The following ESRP1 variants were observed in gnomAD, a reference collection of about 807,000 sequenced individuals.
ESRP1 encodes the protein epithelial splicing regulatory protein 1.
In ESRP1, 33 loss-of-function variants were observed where a neutral mutation model predicts 81.7. That is an observed-to-expected ratio of 0.40 (90% CI 0.31 to 0.54). The LOEUF (loss-of-function observed/expected upper bound fraction) is 0.54. ESRP1 is among the 20% of genes least tolerant of loss of function. ESRP1 has a pLI of 0.41. For missense variants in ESRP1, 672 were observed against 833.1 expected (o/e 0.81, Z 2.38); for synonymous variants, 320 against 303.3 (o/e 1.06, Z -0.57).
intron 13 of ESRP1, among the ~76,000 whole-genome samples, chr8:94,683,348 A>C (rs1021084190): frequency 6.6e-6 from 1 of 152,174 alleles, no homozygotes; most frequent in Non-Finnish European, 1.5e-5. Context: ...GTTGAACCAG[A>C]AGAATACCAA....
At chr8:94,695,748 C>G (rs1809580169) in intron 14 of ESRP1, among the ~76,000 whole-genome samples, 1 of 146,182 alleles carries the variant, frequency 6.8e-6, no homozygotes, top group Non-Finnish European at 1.5e-5. Context: ...TTCCTCCAAC[C>G]TTTAACAAAA....
In ESRP1 at chr8:94,706,646, A is replaced by G. The variant is rs1267732402; in HGVS notation, c.*757A>G. On this transcript the variant is annotated 3_prime_UTR_variant, in exon 16 of 16. Transcript: ENST00000433389. ...ATGAAGCAGCTACATGTAGTTAGTA[A>G]TTTCTAGTTTGAACTGTAATTGAAT... 1 of 152,628 alleles carries G rather than the reference A, an allele frequency of 6.6e-6. No homozygotes were observed. Among genetic ancestry groups the G allele is most frequent in the Non-Finnish European group, 1.5e-5 (1 of 68,040 alleles). The allele number at this position is 152,628 out of a possible 1,614,324, so 9.5% of individuals were successfully genotyped here. A position where few individuals can be genotyped will look rare whatever the true frequency, so the allele number is the denominator to read the frequency against.
intron 15 of ESRP1, among the ~76,000 whole-genome samples, chr8:94,704,283 A>G (rs1202336528): frequency 6.6e-6 from 1 of 151,442 alleles, no homozygotes; most frequent in African/African-American, 2.4e-5. Context: ...CTGAAGTCTA[A>G]AACATTCCTG....
At chr8:94,671,872 G>A (rs145289470) in intron 11 of ESRP1, among the ~76,000 whole-genome samples, 89 of 152,098 alleles carry the variant, frequency 5.9e-4, no homozygotes, top group African/African-American at 2.0e-3. Flanking sequence ...TAAAAAGTAC[G>A]TAATCCTCAG....
At chr8:94,670,130 A>C (rs1375064519) in intron 10 of ESRP1, among the ~76,000 whole-genome samples, 2 of 152,102 alleles carry the variant, frequency 1.3e-5, no homozygotes, top group African/African-American at 4.8e-5. Context: ...TTCTACTATG[A>C]GTTGCTTTTG....
Position 94,641,287 on chromosome 8 carries a change from GA to G in ESRP1, c.-31del. ...CTTCCACACCACCTTACCGCCTCCC[GA>G]CCCCCCCTCTCCCCCTCCCCACCTA... On this transcript the variant is annotated 5_prime_UTR_variant, in exon 1 of 16. Coordinates refer to ENST00000433389, the MANE Select transcript of ESRP1 (RefSeq NM_017697.4). The G allele has an allele frequency of 9.2e-7, 1 of 1,084,112 alleles. No individual in the cohort carries two copies. Among genetic ancestry groups the G allele is most frequent in the Non-Finnish European group, 1.4e-6 (1 of 726,208 alleles). 67.2% of individuals were successfully genotyped at this position (1,084,112 alleles called of 1,614,324 possible).
intron 14 of ESRP1, among the ~76,000 whole-genome samples, chr8:94,693,964 TACTC>T (rs1809500717): frequency 6.6e-6 from 1 of 152,190 alleles, no homozygotes; most frequent in South Asian, 2.1e-4. Flanking sequence ...GGTCAGTAGA[TACTC>T]ACTCCTCCCT....
chr8:94,692,080 A>G (rs528687451), intron 13 of ESRP1, among the ~76,000 whole-genome samples: 1 of 152,172 alleles, frequency 6.6e-6, no homozygotes, highest in African/African-American at 2.4e-5. Context: ...CCCTTGTGTT[A>G]ATGGTGATTG....
chr8:94,705,368 A>T (rs1205939097), intron 15 of ESRP1, among the ~76,000 whole-genome samples: 1 of 151,824 alleles, frequency 6.6e-6, no homozygotes, highest in Non-Finnish European at 1.5e-5. Flanking sequence ...GGGTTTCACC[A>T]TGTTGGCCAG....
chr8:94,703,997 G>T (rs987789410), intron 15 of ESRP1, among the ~76,000 whole-genome samples: 1 of 152,110 alleles, frequency 6.6e-6, no homozygotes, highest in Non-Finnish European at 1.5e-5. Context: ...TCAGCATGTG[G>T]TATTTTAAAC....
At chr8:94,645,848 T>A (rs1053750545) in intron 3 of ESRP1, among the ~76,000 whole-genome samples, 1 of 152,078 alleles carries the variant, frequency 6.6e-6, no homozygotes, top group Non-Finnish European at 1.5e-5. Context: ...CTGGAAAAAA[T>A]TAGTATTAAC....
intron 4 of ESRP1, among the ~76,000 whole-genome samples, chr8:94,658,834 A>G (rs886263282): frequency 6.6e-6 from 1 of 152,158 alleles, no homozygotes; most frequent in Non-Finnish European, 1.5e-5. Context: ...TGCGGAGCAC[A>G]TTAGGGTCTG....
At chr8:94,645,942 A>G (rs1297599844) in intron 3 of ESRP1, among the ~76,000 whole-genome samples, 1 of 152,202 alleles carries the variant, frequency 6.6e-6, no homozygotes, top group Non-Finnish European at 1.5e-5. Flanking sequence ...GAGCACAAAC[A>G]TTGTAATCCA....
At chr8:94,643,973 C>T (rs955967377) in intron 3 of ESRP1, among the ~76,000 whole-genome samples, 14 of 152,162 alleles carry the variant, frequency 9.2e-5, no homozygotes, top group African/African-American at 3.1e-4. Context: ...TCTAGTGAAA[C>T]CACAATCGTA....
intron 15 of ESRP1, among the ~76,000 whole-genome samples, chr8:94,703,071 C>T (rs577693118): frequency 3.4e-5 from 5 of 147,980 alleles, no homozygotes; most frequent in East Asian, 2.0e-4. Context: ...TATAGCTAAA[C>T]GGGAAGAGGA....
chr8:94,696,922 T>A lies in ESRP1; in HGVS notation c.2042T>A (p.Ile681Asn). The change falls in exon 15 of 16, where the codon ATT (isoleucine) becomes AAT (asparagine). Residue 681 changes from isoleucine (I) to asparagine (N), a missense_variant. Transcript: ENST00000433389. Reference protein sequence around the residue: ...ARTLPKEWVCI With the variant: ...ARTLPKEWVCN ...ACTCTACCCAAAGAATGGGTTTGTA[T>A]TTAAGGGCCCCAGCAGTTAGAACAT... The A allele has an allele frequency of 6.3e-7, 1 of 1,586,244 alleles. No individual in the cohort carries two copies. The highest frequency in any genetic ancestry group is 1.2e-5 in the South Asian group (1 of 86,564).
chr8:94,671,383 C>A, intron 10 of ESRP1, 70 bp from the exon 11 acceptor site: 2 of 1,316,882 alleles, frequency 1.5e-6, no homozygotes, highest in Non-Finnish European at 1.1e-6. Context: ...CCCAGTGATG[C>A]CATTGCTGAT....
chr8:94,687,726 G>A (rs1311522031), intron 13 of ESRP1, among the ~76,000 whole-genome samples: 1 of 152,096 alleles, frequency 6.6e-6, no homozygotes, highest in Non-Finnish European at 1.5e-5. Flanking sequence ...CACATCTTAG[G>A]AGAAATGTCT....
rs1194195738 is a variant in ESRP1, at chr8:94,646,158, C to A, written c.376-10C>A. 3 of 1,514,426 alleles carry A rather than the reference C, an allele frequency of 2.0e-6. No individual in the cohort carries two copies. The highest frequency in any genetic ancestry group is 1.2e-5 in the South Asian group (1 of 86,208). The allele number at this position is 1,514,426 out of a possible 1,614,324, so 93.8% of individuals were successfully genotyped here. ...ACCTAGTTAACATTATCTACCTTGT[C>A]CTTCCTCAGAATGTACTATTACCTG... On this transcript the variant is annotated splice_polypyrimidine_tract_variant and intron_variant, in intron 3 of 15. Coordinates refer to ENST00000433389, the MANE Select transcript of ESRP1 (RefSeq NM_017697.4).
Sources: allele counts gnomAD v4.1 joint callset (sites outside exome capture counted in the v4.1 genomes callset), GRCh38; gene constraint gnomAD v4.1.1; transcripts MANE v1.5; gene names NCBI Gene and HGNC (gene_info 2026-07-23, HGNC 2026-07-21).